HHIPL1: variants seen among roughly 807,000 people sequenced by gnomAD.
HHIPL1 encodes HHIP like 1, also known as HHIP-like protein 1.
Under a neutral mutation model 61.8 loss-of-function variants are expected in HHIPL1, and 43 were observed. That is an observed-to-expected ratio of 0.70 (90% CI 0.55 to 0.90). The LOEUF is 0.90. HHIPL1 is among the 40% of genes least tolerant of loss of function. The pLI is 0.00. For missense variants in HHIPL1, 1,056 were observed against 1,157.7 expected (o/e 0.91, Z 1.28); for synonymous variants, 482 against 515.8 (o/e 0.93, Z 0.89).
intron 6 of HHIPL1, among the ~76,000 whole-genome samples, chr14:99,665,749 T>TTTG (rs760231925): frequency 4.0e-5 from 6 of 151,770 alleles, no homozygotes; most frequent in Non-Finnish European, 8.8e-5. Flanking sequence ...AATTTCTTTT[T>TTTG]TTGTTGTTAT....
the HHIPL1 span, chr14:99,624,982 C>T: frequency 6.6e-6 from 1 of 152,244 alleles, no homozygotes; most frequent in African/African-American, 2.4e-5. Flanking sequence ...CGGTGCCTGC[C>T]GAGCGAGGTG....
At chr14:99,620,030 G>A in the HHIPL1 span, among the ~76,000 whole-genome samples, 11 of 152,180 alleles carry the variant, frequency 7.2e-5, no homozygotes, top group South Asian at 2.1e-4. Context: ...TGGCACTTCC[G>A]GAGGAAAATG....
rs567321537 is a variant in HHIPL1, at chr14:99,661,140, C to A, written c.1502+734C>A. ...AAGGGTGCTTATGGAGCCTCGTGAC[C>A]ACCTTGTCCCATTTACAGAGGAGAA... On this transcript the variant is annotated intron_variant, in intron 5 of 8. Transcript: ENST00000330710. 4.4e-3 allele frequency among the ~76,000 whole-genome samples: 34 copies of A among 7,744 alleles called. No homozygotes were observed. The Admixed American group carries it at 0.082, about 19-fold the overall frequency. The allele number at this position is 7,744 out of a possible 152,430, so 5.1% of individuals were successfully genotyped here. A position where few individuals can be genotyped will look rare whatever the true frequency, so the allele number is the denominator to read the frequency against.
At chr14:99,628,603 AAG>A in the HHIPL1 span, among the ~76,000 whole-genome samples, 1 of 151,792 alleles carries the variant, frequency 6.6e-6, no homozygotes, top group Non-Finnish European at 1.5e-5. Context: ...AAAAGAAAAA[AAG>A]AAAAAAAAAG....
the HHIPL1 span, among the ~76,000 whole-genome samples, chr14:99,610,562 C>A: frequency 3.3e-5 from 5 of 152,294 alleles, no homozygotes; most frequent in Non-Finnish European, 5.9e-5. Context: ...GAGTTCGAGA[C>A]CAGCCTGGCT....
chr14:99,645,034 T>C (rs2055804898), upstream of HHIPL1: 3 of 497,076 alleles, frequency 6.0e-6, no homozygotes, highest in Admixed American at 9.0e-5. Context: ...TCCCTCTTCC[T>C]TCAGTCCCGC....
At chr14:99,671,066 G>A (rs1005933392) in intron 7 of HHIPL1, among the ~76,000 whole-genome samples, 2 of 152,256 alleles carry the variant, frequency 1.3e-5, no homozygotes, top group South Asian at 2.1e-4. Flanking sequence ...GGAGCCAGAA[G>A]TGGGCTAGAT....
chr14:99,663,400 T>C (rs2056186994), intron 6 of HHIPL1, among the ~76,000 whole-genome samples: 1 of 152,180 alleles, frequency 6.6e-6, no homozygotes, highest in South Asian at 2.1e-4. Context: ...CCTCCCCTTT[T>C]TGGACCATAT....
chr14:99,663,239 A>G (rs2056183772), intron 6 of HHIPL1, among the ~76,000 whole-genome samples: 1 of 152,200 alleles, frequency 6.6e-6, no homozygotes, highest in Non-Finnish European at 1.5e-5. Context: ...CTCACGTAAG[A>G]AAGAAATCGG....
At position 99,676,331 on chromosome 14, in the gene HHIPL1, T is replaced by G. The variant is rs1295456025; in HGVS notation, c.*705T>G. The G allele has an allele frequency of 2.0e-5, 3 of 152,320 alleles. No homozygotes were observed. The highest frequency in any genetic ancestry group is 7.2e-5 in the African/African-American group (3 of 41,432). 9.4% of individuals were successfully genotyped at this position (152,320 alleles called of 1,614,324 possible). On this transcript the variant is annotated 3_prime_UTR_variant, in exon 9 of 9. Transcript: ENST00000330710. ...CAAGGCCGTATGCTGGAGAAGCCACTCAGCAGCATACTCAGTCCTTGTGGG... is the reference window on the plus strand; with the variant it reads ...CAAGGCCGTATGCTGGAGAAGCCACGCAGCAGCATACTCAGTCCTTGTGGG...
chr14:99,623,053 T>G, the HHIPL1 span, among the ~76,000 whole-genome samples: 1 of 152,208 alleles, frequency 6.6e-6, no homozygotes, highest in African/African-American at 2.4e-5. Context: ...AAGGTGTCAC[T>G]GCAGAGACGC....
chr14:99,615,623 AAGG>A, the HHIPL1 span, among the ~76,000 whole-genome samples: 1 of 147,110 alleles, frequency 6.8e-6, no homozygotes, highest in Non-Finnish European at 1.5e-5. Flanking sequence ...GGAAGAAAGA[AAGG>A]AAGAAAGAGA....
At chr14:99,615,110 G>A in the HHIPL1 span, among the ~76,000 whole-genome samples, 3 of 152,120 alleles carry the variant, frequency 2.0e-5, no homozygotes, top group East Asian at 1.9e-4. Context: ...GTCATGAAGC[G>A]ATGTCTCAGC....
At chr14:99,664,167 G>T (rs1166438988) in intron 6 of HHIPL1, among the ~76,000 whole-genome samples, 1 of 152,284 alleles carries the variant, frequency 6.6e-6, no homozygotes, top group East Asian at 1.9e-4. Flanking sequence ...CCCCCAGTGG[G>T]CCCTAATGGA....
chr14:99,652,313 C>T lies in HHIPL1; in HGVS notation c.345C>T (p.Cys115=), dbSNP rs142013911. The change falls in exon 2 of 9, where the codon TGC becomes TGT. Residue 115 remains cysteine (C), a synonymous_variant. Coordinates refer to ENST00000330710, the MANE Select transcript of HHIPL1 (RefSeq NM_001127258.3). ...RTVPGLCQDY[C]LDMWHKCRGL... is the part of the protein sequence containing the mutation. ...TGCCCGGGCTCTGCCAGGATTACTG[C>T]CTGGACATGTGGCATAAGTGCCGGG... The T allele has an allele frequency of 4.9e-4, 791 of 1,613,998 alleles. 2 individuals carry two copies. Among genetic ancestry groups the T allele is most frequent in the Non-Finnish European group, 6.0e-4 (707 of 1,180,048 alleles).
At chr14:99,629,920 T>C in the HHIPL1 span, among the ~76,000 whole-genome samples, 1 of 152,250 alleles carries the variant, frequency 6.6e-6, no homozygotes, top group Non-Finnish European at 1.5e-5. Flanking sequence ...TGTTCTCATT[T>C]TCCCTTCAGT....
upstream of HHIPL1, among the ~76,000 whole-genome samples, chr14:99,640,877 C>CTTTTTTTTTTTTTTTT: frequency 1.4e-5 from 1 of 69,856 alleles, no homozygotes; most frequent in Non-Finnish European, 2.7e-5. Flanking sequence ...ACTTCTTCTT[C>CTTTTTTTTTTTTTTTT]TTTTTTTTTT....
intron 8 of HHIPL1, among the ~76,000 whole-genome samples, chr14:99,673,834 G>T (rs1175727919): frequency 2.0e-5 from 2 of 98,476 alleles, no homozygotes; most frequent in Non-Finnish European, 4.2e-5. Context: ...GGCATGGAGG[G>T]GGGGTGCACA....
chr14:99,673,043 C>T (rs1241882597), intron 8 of HHIPL1, among the ~76,000 whole-genome samples: 1 of 152,222 alleles, frequency 6.6e-6, no homozygotes, highest in East Asian at 1.9e-4. Context: ...GGTACAACCT[C>T]CCAATTCAAA....
Sources: allele counts gnomAD v4.1 joint callset (sites outside exome capture counted in the v4.1 genomes callset), GRCh38; gene constraint gnomAD v4.1.1; transcripts MANE v1.5; gene names NCBI Gene and HGNC (gene_info 2026-07-23, HGNC 2026-07-21).